Variants in VWF observed in about 807,000 individuals in gnomAD.
VWF encodes Factor VIII related antigen.
Under a neutral mutation model 308.6 loss-of-function variants are expected in VWF, and 176 were observed. That is an observed-to-expected ratio of 0.57 (90% CI 0.50 to 0.65). The LOEUF is 0.65. Ranked by LOEUF, VWF falls within the 30% of genes least tolerant of loss-of-function variation. The pLI is 0.00. For missense variants in VWF, 3,146 were observed against 3,648.2 expected, an observed-to-expected ratio of 0.86 and a Z score of 3.55; for synonymous variants, 1,385 against 1,443.4, an observed-to-expected ratio of 0.96 and a Z score of 0.92.
At chr12:6,061,378 C>T in intron 13 of VWF, among the ~76,000 whole-genome samples, 1 of 148,298 alleles carries the variant, frequency 6.7e-6, no homozygotes, top group Admixed American at 6.7e-5. Context: ...AATAATGGCT[C>T]TTTATTTCCT....
In VWF at chr12:6,092,630, T is replaced by TGAGAGAGAGAGAGA. The variant is rs1219001307; in HGVS notation, c.657+2829_657+2830insTCTCTCTCTCTCTC. On this transcript the variant is annotated intron_variant, in intron 6 of 51. Coordinates refer to ENST00000261405, the MANE Select transcript of VWF (RefSeq NM_000552.5). The stretch of plus-strand genomic sequence containing the variant: ...GTGAGTGAGTGAGAGTGTGTGTGTG[T>TGAGAGAGAGAGAGA]GTGTGTGTGTGTGTGTGTGTGTGTG... 1.0e-3 allele frequency among the ~76,000 whole-genome samples: 73 copies of TGAGAGAGAGAGAGA among 72,940 alleles called. 1 individual carries two copies. Among genetic ancestry groups the TGAGAGAGAGAGAGA allele is most frequent in the African/African-American group, 5.6e-3 (69 of 12,248 alleles). The allele number at this position is 72,940 out of a possible 152,430, so 47.9% of individuals were successfully genotyped here. A position where few individuals can be genotyped will look rare whatever the true frequency, so the allele number is the denominator to read the frequency against.
At chr12:6,033,893 C>G (rs1349202903) in intron 20 of VWF, among the ~76,000 whole-genome samples, 2 of 152,230 alleles carry the variant, frequency 1.3e-5, no homozygotes, top group Non-Finnish European at 2.9e-5. Context: ...GGAATGGAGA[C>G]AGAGGGACCA....
chr12:5,991,777 A>G, intron 38 of VWF, 42 bp downstream of exon 38: 1 of 1,605,214 alleles, frequency 6.2e-7, no homozygotes, highest in Non-Finnish European at 8.5e-7. Flanking sequence ...TTGACCCAAG[A>G]GGGAAGCAGC....
intron 34 of VWF, among the ~76,000 whole-genome samples, chr12:6,007,417 A>G: frequency 6.6e-6 from 1 of 152,228 alleles, no homozygotes; most frequent in East Asian, 1.9e-4. Flanking sequence ...TTGCTAAGAG[A>G]AATAATTTCA....
Position 6,016,565 on chromosome 12 carries a change from C to T in VWF, c.5262G>A (p.Leu1754=). ...GCTGCATGACGTCCACAAGGCTCAG[C>T]AAATGGGCTTTCTCCGGGACCACGT... ...PWNVVPEKAH[L]LSLVDVMQRE... The change falls in exon 30 of 52, where the codon TTG becomes TTA. Residue 1754 remains leucine (L), a synonymous_variant. Transcript: ENST00000261405. 1 of 1,614,188 alleles carries T rather than the reference C, an allele frequency of 6.2e-7. No individual in the cohort carries two copies.
chr12:6,052,764 G>A lies in VWF; in HGVS notation c.1965C>T (p.Gly655=), dbSNP rs765347068. The A allele has an allele frequency of 3.7e-6, 6 of 1,610,262 alleles. No homozygotes were observed. Among genetic ancestry groups the A allele is most frequent in the Non-Finnish European group, 5.1e-6 (6 of 1,179,088 alleles). Reference sequence around the variant, plus strand: ...GGGTCCCGCACTGCAGGTACACCTGGCCTTTCGGGCAGTTCAGCTCTAGAA... The same window carrying A: ...GGGTCCCGCACTGCAGGTACACCTGACCTTTCGGGCAGTTCAGCTCTAGAA... ...PGRCELNCPK[G]QVYLQCGTPC... is the part of the protein sequence containing the mutation. Residue 655 remains glycine (G), a synonymous_variant, in exon 16 of 52, where the codon GGC becomes GGT. Transcript: ENST00000261405.
intron 1 of VWF, among the ~76,000 whole-genome samples, chr12:6,123,507 C>G (rs1945454215): frequency 6.6e-6 from 1 of 152,202 alleles, no homozygotes; most frequent in Non-Finnish European, 1.5e-5. Flanking sequence ...CCTCACATCC[C>G]TGCCTCCTGA....
intron 6 of VWF, among the ~76,000 whole-genome samples, chr12:6,090,645 C>CTCCTCT (rs71064186): frequency 0.96 from 145,649 of 151,394 alleles, 70,076 homozygotes; most frequent in East Asian, 1. Flanking sequence ...CCTCCTCCTC[C>CTCCTCT]TCCTCATCAT....
intron 47 of VWF, among the ~76,000 whole-genome samples, chr12:5,959,760 C>T (rs1018394045): frequency 2.0e-4 from 31 of 151,606 alleles, no homozygotes; most frequent in Non-Finnish European, 3.4e-4. Context: ...TTTTAAATAA[C>T]CCATGGATCA....
rs758482771 is a variant in VWF at position 6,034,790 on chromosome 12, A to G, written c.2583T>C (p.His861=). 2.5e-6 allele frequency: 4 copies of G among 1,614,220 alleles called. No homozygotes were observed. The highest frequency in any genetic ancestry group is 3.4e-6 in the Non-Finnish European group (4 of 1,180,036). Residue 861 remains histidine (H), a synonymous_variant, in exon 20 of 52, where the codon CAT becomes CAC. Transcript: ENST00000261405. ...CQDRKWNCTD[H]VCDATCSTIG... is the part of the protein sequence containing the mutation. Reference sequence around the variant, plus strand: ...TCGTGGAGCACGTGGCATCACACACATGGTCTGTGCAGTTCCACTTCCGGT... The same window carrying G: ...TCGTGGAGCACGTGGCATCACACACGTGGTCTGTGCAGTTCCACTTCCGGT...
At chr12:6,100,064 C>T (rs1362365349) in intron 5 of VWF, among the ~76,000 whole-genome samples, 4 of 151,944 alleles carry the variant, frequency 2.6e-5, no homozygotes, top group South Asian at 2.1e-4. Context: ...CAAACAACCC[C>T]GTCAAAAAGT....
intron 34 of VWF, among the ~76,000 whole-genome samples, chr12:6,007,117 C>A (rs959040503): frequency 1.3e-5 from 2 of 151,968 alleles, no homozygotes; most frequent in African/African-American, 4.8e-5. Context: ...AAATATAGAA[C>A]AACATAATAG....
At chr12:6,115,173 A>T (rs753021632) in intron 3 of VWF, among the ~76,000 whole-genome samples, 25 of 152,284 alleles carry the variant, frequency 1.6e-4, no homozygotes, top group Admixed American at 8.5e-4. Flanking sequence ...AATAGCTGGA[A>T]CTACAGGTGT....
At chr12:5,985,246 G>C in intron 39 of VWF, 127 bp from the exon 40 acceptor site, 4 of 972,790 alleles carry the variant, frequency 4.1e-6, no homozygotes, top group Non-Finnish European at 4.9e-6. Context: ...AAGGATCCAG[G>C]CCACGGGACC....
chr12:6,072,485 T>G, intron 8 of VWF, 43 bp from the exon 9 acceptor site: 2 of 1,485,322 alleles, frequency 1.3e-6, no homozygotes. Flanking sequence ...ACATTGTCAT[T>G]GCGTCACTCA....
chr12:6,003,382 G>C (rs1943892815), intron 34 of VWF, among the ~76,000 whole-genome samples: 1 of 152,078 alleles, frequency 6.6e-6, no homozygotes, highest in Admixed American at 6.6e-5. Flanking sequence ...TACCAAAGTT[G>C]AGCTGGTATA....
intron 37 of VWF, among the ~76,000 whole-genome samples, chr12:5,992,807 T>C (rs1432507448): frequency 1.3e-5 from 2 of 152,192 alleles, no homozygotes; most frequent in Non-Finnish European, 2.9e-5. Context: ...CACCAAAGAT[T>C]TCCCTCTGTG....
intron 41 of VWF, among the ~76,000 whole-genome samples, 166 bp from the exon 42 acceptor site, chr12:5,982,157 C>T (rs548179146): frequency 4.6e-5 from 7 of 152,152 alleles, no homozygotes; most frequent in Non-Finnish European, 1.0e-4. Context: ...CAAAAGCAGT[C>T]CATCTGCAGA....
At chr12:6,031,824 T>A (rs1230084903) in intron 20 of VWF, among the ~76,000 whole-genome samples, 1 of 10,098 alleles carries the variant, frequency 9.9e-5, no homozygotes. Context: ...GGGGTGGGGG[T>A]GGGGAAGGAG....
Sources: allele counts gnomAD v4.1 joint callset (sites outside exome capture counted in the v4.1 genomes callset), GRCh38; gene constraint gnomAD v4.1.1; transcripts MANE v1.5; gene names NCBI Gene and HGNC (gene_info 2026-07-23, HGNC 2026-07-21).